The following MATCAP2 variants were observed in gnomAD, a reference collection of about 807,000 sequenced individuals.
MATCAP2 encodes microtubule associated tyrosine carboxypeptidase 2, also known as putative tyrosine carboxypeptidase MATCAP2.
At chr7:36,383,896 T>A in the MATCAP2 span, 1 of 1,605,192 alleles carries the variant, frequency 6.2e-7, no homozygotes, top group Non-Finnish European at 8.5e-7. Context: ...TTCTTGCCAC[T>A]GCCTTATGAT....
At chr7:36,386,469 G>A in the MATCAP2 span, among the ~76,000 whole-genome samples, 1 of 151,876 alleles carries the variant, frequency 6.6e-6, no homozygotes, top group African/African-American at 2.4e-5. Context: ...GTGTGTGTGT[G>A]TGTATCATTA....
the MATCAP2 span, among the ~76,000 whole-genome samples, chr7:36,375,349 T>C: frequency 2.0e-5 from 3 of 152,180 alleles, no homozygotes; most frequent in Admixed American, 6.5e-5. Context: ...GAGATAATCA[T>C]ATGGTTTTTG....
At chr7:36,386,793 G>C in the MATCAP2 span, among the ~76,000 whole-genome samples, 1 of 152,174 alleles carries the variant, frequency 6.6e-6, no homozygotes, top group Non-Finnish European at 1.5e-5. Context: ...CCACATATTG[G>C]GGAGGAACTA....
At chr7:36,385,803 A>AAAATG in the MATCAP2 span, among the ~76,000 whole-genome samples, 1 of 139,986 alleles carries the variant, frequency 7.1e-6, no homozygotes, top group African/African-American at 2.7e-5. Context: ...AAAATAAAAT[A>AAAATG]AAATAAAATA....
chr7:36,336,524 T>C, the MATCAP2 span, among the ~76,000 whole-genome samples: 5 of 152,160 alleles, frequency 3.3e-5, no homozygotes, highest in Non-Finnish European at 7.4e-5. Context: ...CTGTGTTCAT[T>C]TCTCCTTAAC....
the MATCAP2 span, chr7:36,326,697 C>CAT: frequency 7.2e-7 from 1 of 1,382,170 alleles, no homozygotes; most frequent in Non-Finnish European, 9.9e-7. Context: ...CTGGTGCTAA[C>CAT]TGCACCTAAC....
At chr7:36,344,829 A>T in the MATCAP2 span, among the ~76,000 whole-genome samples, 1 of 152,210 alleles carries the variant, frequency 6.6e-6, no homozygotes, top group Non-Finnish European at 1.5e-5. Context: ...TTCCCTAAAA[A>T]TCCAGCCCAG....
the MATCAP2 span, among the ~76,000 whole-genome samples, chr7:36,387,267 C>T: frequency 5.9e-5 from 9 of 151,912 alleles, no homozygotes; most frequent in Middle Eastern, 3.2e-3. Flanking sequence ...GATAGTTTTA[C>T]CCTGGAAGAG....
the MATCAP2 span, among the ~76,000 whole-genome samples, chr7:36,381,886 G>C: frequency 6.6e-6 from 1 of 152,052 alleles, no homozygotes; most frequent in African/African-American, 2.4e-5. Flanking sequence ...ATGAACCCTG[G>C]GTCTGGAAAT....
the MATCAP2 span, among the ~76,000 whole-genome samples, chr7:36,377,030 C>G: frequency 2.6e-5 from 4 of 152,160 alleles, no homozygotes; most frequent in Admixed American, 2.6e-4. Flanking sequence ...ATACAGCACA[C>G]TGATGGGTCT....
the MATCAP2 span, among the ~76,000 whole-genome samples, chr7:36,371,847 G>A: frequency 1.3e-5 from 2 of 151,880 alleles, no homozygotes; most frequent in African/African-American, 4.8e-5. Context: ...GGGCTCAAGC[G>A]ATCCTCCCAC....
At chr7:36,329,328 T>C in the MATCAP2 span, among the ~76,000 whole-genome samples, 2 of 152,220 alleles carry the variant, frequency 1.3e-5, no homozygotes, top group Admixed American at 6.5e-5. Flanking sequence ...AAGAATCTTG[T>C]AGGGTCTGAT....
At chr7:36,356,793 C>T in the MATCAP2 span, 2 of 960,212 alleles carry the variant, frequency 2.1e-6, no homozygotes, top group South Asian at 1.4e-5. Flanking sequence ...TTAACCATAA[C>T]ATAGAAATAA....
the MATCAP2 span, among the ~76,000 whole-genome samples, chr7:36,386,531 G>T: frequency 1.3e-5 from 2 of 151,114 alleles, no homozygotes; most frequent in African/African-American, 4.9e-5. Context: ...AAAAAGACAA[G>T]CCACAAACCA....
the MATCAP2 span, among the ~76,000 whole-genome samples, chr7:36,332,826 C>A: frequency 2.0e-5 from 3 of 152,178 alleles, no homozygotes; most frequent in African/African-American, 7.2e-5. Context: ...ACTTGGGAGG[C>A]TGAGGCAGGA....
the MATCAP2 span, among the ~76,000 whole-genome samples, chr7:36,345,921 G>C: frequency 1.3e-5 from 2 of 152,148 alleles, no homozygotes. Context: ...ATGGGAGAAA[G>C]TGTTTGCAAA....
the MATCAP2 span, among the ~76,000 whole-genome samples, chr7:36,372,583 T>C: frequency 3.3e-5 from 5 of 152,192 alleles, no homozygotes; most frequent in Admixed American, 6.5e-5. Context: ...ATTTTACATG[T>C]GTGTAAATGA....
the MATCAP2 span, among the ~76,000 whole-genome samples, chr7:36,339,462 C>A: frequency 2.0e-5 from 3 of 152,158 alleles, no homozygotes; most frequent in Non-Finnish European, 4.4e-5. Flanking sequence ...CCACTTACCA[C>A]CTTCATGCCT....
the MATCAP2 span, chr7:36,389,800 C>A: frequency 1.3e-6 from 1 of 787,502 alleles, no homozygotes; most frequent in South Asian, 1.9e-5. Context: ...CGCCCCGGCT[C>A]CGCCCAGCGC....
Sources: gnomAD v4.1 joint callset for allele counts (sites outside exome capture counted in the v4.1 genomes callset) on GRCh38, gnomAD v4.1.1 for gene constraint, MANE v1.5 for transcripts, NCBI Gene and HGNC (gene_info 2026-07-23, HGNC 2026-07-21) for gene names.